C3orf49: variants seen among roughly 807,000 people sequenced by gnomAD.
The protein encoded by C3orf49 is putative uncharacterized protein C3orf49.
C3orf49 carries 27 observed loss-of-function variants against 13.3 expected under a neutral mutation model. The observed-to-expected ratio is 2.02, with a 90% CI of 1.49 to 2.79. The LOEUF (loss-of-function observed/expected upper bound fraction) is 2.79, where lower values mean the gene tolerates loss of function less well. Ranked by LOEUF, C3orf49 falls within the 30% of genes most tolerant of loss-of-function variation. The pLI is 0.00. For missense variants in C3orf49, 242 were observed against 134.2 expected, an observed-to-expected ratio of 1.80 and a Z score of -3.97; for synonymous variants, 87 against 47.6, an observed-to-expected ratio of 1.83 and a Z score of -3.40.
chr3:63,814,327 G>C (rs535465913), upstream of C3orf49, among the ~76,000 whole-genome samples: 1 of 152,092 alleles, frequency 6.6e-6, no homozygotes, highest in South Asian at 2.1e-4. Flanking sequence ...AATTGGATTG[G>C]TCCAGTACTC....
chr3:63,836,345 CA>C (rs772805801), intron 5 of C3orf49: 9 of 1,612,334 alleles, frequency 5.6e-6, no homozygotes, highest in Non-Finnish European at 6.8e-6. Flanking sequence ...TCACTTTTGC[CA>C]AAGCATCATA....
At chr3:63,825,479 A>G (rs1431572861) in intron 2 of C3orf49, among the ~76,000 whole-genome samples, 9 of 152,332 alleles carry the variant, frequency 5.9e-5, no homozygotes, top group Admixed American at 5.2e-4. Context: ...ACATGATTCT[A>G]TATTGCTGGG....
chr3:63,827,576 A>C (rs1269547773), intron 2 of C3orf49, 25 bp from the exon 3 acceptor site: 2 of 699,444 alleles, frequency 2.9e-6, no homozygotes, highest in Admixed American at 2.0e-5. Context: ...ATCCTTACAG[A>C]TTCCTTTTTC....
At chr3:63,792,899 T>C in the C3orf49 span, among the ~76,000 whole-genome samples, 7 of 152,336 alleles carry the variant, frequency 4.6e-5, no homozygotes, top group African/African-American at 1.7e-4. Context: ...CCAGGTGATG[T>C]GGTATTACAT....
intron 1 of C3orf49, among the ~76,000 whole-genome samples, chr3:63,823,042 A>G (rs1344214316): frequency 6.6e-6 from 1 of 152,262 alleles, no homozygotes; most frequent in African/African-American, 2.4e-5. Context: ...TAAATTAAAT[A>G]GCAGCCAGAT....
intron 5 of C3orf49, chr3:63,836,309 C>G (rs1376856543): frequency 6.2e-6 from 10 of 1,612,548 alleles, no homozygotes; most frequent in Non-Finnish European, 8.5e-6. Context: ...ACTTTAATGT[C>G]TCATGCCTGT....
chr3:63,847,624 C>A (rs1237584549), intron 6 of C3orf49, among the ~76,000 whole-genome samples: 1 of 152,114 alleles, frequency 6.6e-6, no homozygotes, highest in Non-Finnish European at 1.5e-5. Flanking sequence ...GTAATCCCAG[C>A]TACTCAGGAG....
chr3:63,781,608 G>T, the C3orf49 span, among the ~76,000 whole-genome samples: 1 of 152,158 alleles, frequency 6.6e-6, no homozygotes, highest in Non-Finnish European at 1.5e-5. Context: ...TGAGTTTATG[G>T]AAGTCACACT....
In C3orf49 at chr3:63,839,700, C is replaced by T. The variant is rs552560637; in HGVS notation, c.850-5323C>T. ...AGTTGCACCATTTAATGAAACTCTTCACTAGCAGATTAATTCTCCGATCAT... is the reference window on the plus strand; with the variant it reads ...AGTTGCACCATTTAATGAAACTCTTTACTAGCAGATTAATTCTCCGATCAT... On this transcript the variant is annotated intron_variant, in intron 5 of 6. Coordinates refer to ENST00000295896, the MANE Select transcript of C3orf49 (RefSeq NM_001355236.2). The T allele has an allele frequency of 2.5e-6, 4 of 1,612,676 alleles. No individual in the cohort carries two copies. In the South Asian group the frequency reaches 4.4e-5, roughly 18 times the overall value.
chr3:63,783,672 T>G, the C3orf49 span, among the ~76,000 whole-genome samples: 1 of 151,678 alleles, frequency 6.6e-6, no homozygotes, highest in South Asian at 2.1e-4. Flanking sequence ...AGGCCGAGAC[T>G]GTGCCACTAC....
chr3:63,819,690 C>T, intron 1 of C3orf49, 94 bp downstream of exon 1: 1 of 672,570 alleles, frequency 1.5e-6, no homozygotes, highest in Non-Finnish European at 2.7e-6. Flanking sequence ...GGAATGAGGA[C>T]TCTGGATGGA....
At chr3:63,782,201 T>C in the C3orf49 span, among the ~76,000 whole-genome samples, 3 of 152,192 alleles carry the variant, frequency 2.0e-5, no homozygotes, top group African/African-American at 7.2e-5. Context: ...ACTAACACTT[T>C]ATTCTATTGC....
chr3:63,834,031 C>G, intron 5 of C3orf49: 1 of 1,152,400 alleles, frequency 8.7e-7, no homozygotes, highest in Non-Finnish European at 1.2e-6. Flanking sequence ...GAGTATTTTA[C>G]TGCCAAAACT....
At chr3:63,846,939 AC>A (rs779458369) in intron 6 of C3orf49, among the ~76,000 whole-genome samples, 8 of 152,178 alleles carry the variant, frequency 5.3e-5, no homozygotes, top group Non-Finnish European at 1.2e-4. Context: ...CTCCATGACA[AC>A]CAGCAACCTA....
At chr3:63,802,662 C>T in the C3orf49 span, among the ~76,000 whole-genome samples, 5 of 152,116 alleles carry the variant, frequency 3.3e-5, no homozygotes, top group African/African-American at 1.2e-4. Flanking sequence ...TGTGTGTTGA[C>T]TGCTTGCTAT....
upstream of C3orf49, among the ~76,000 whole-genome samples, chr3:63,818,439 G>T (rs1701348462): frequency 6.6e-6 from 1 of 152,120 alleles, no homozygotes; most frequent in Admixed American, 6.5e-5. Context: ...GTGCAGTCTG[G>T]CATCATCAGC....
chr3:63,823,911 C>T (rs748147207), intron 2 of C3orf49, among the ~76,000 whole-genome samples: 1 of 152,006 alleles, frequency 6.6e-6, no homozygotes, highest in Non-Finnish European at 1.5e-5. Flanking sequence ...AGCAATTTTC[C>T]TCCCTCAGCC....
intron 5 of C3orf49, chr3:63,836,271 G>A: frequency 6.2e-7 from 1 of 1,604,908 alleles, no homozygotes; most frequent in Non-Finnish European, 8.5e-7. Flanking sequence ...ATAAAGGTTA[G>A]TTCCTTTCAA....
At chr3:63,802,099 C>T in the C3orf49 span, among the ~76,000 whole-genome samples, 1 of 152,168 alleles carries the variant, frequency 6.6e-6, no homozygotes, top group African/African-American at 2.4e-5. Flanking sequence ...CCCAACCTGC[C>T]TATGCAACCC....
Sources: allele counts gnomAD v4.1 joint callset (sites outside exome capture counted in the v4.1 genomes callset), GRCh38; gene constraint gnomAD v4.1.1; transcripts MANE v1.5; gene names NCBI Gene and HGNC (gene_info 2026-07-23, HGNC 2026-07-21).